The following RPS29 variants were observed in gnomAD, a reference collection of about 807,000 sequenced individuals.
RPS29 encodes small ribosomal subunit protein uS14.
For synonymous variants in RPS29, 37 were observed against 26.9 expected, an observed-to-expected ratio of 1.37 and a Z score of -1.16; for missense variants, 60 against 75.7, an observed-to-expected ratio of 0.79 and a Z score of 0.77.
At chr14:49,578,351 A>G (rs1353614067) in intron 2 of RPS29, among the ~76,000 whole-genome samples, 1 of 152,178 alleles carries the variant, frequency 6.6e-6, no homozygotes, top group Non-Finnish European at 1.5e-5. Context: ...AATGAGTCTT[A>G]ATCAGATACT....
At chr14:49,585,839 T>C (rs1881526704) in intron 2 of RPS29, 111 bp downstream of exon 2, 1 of 780,340 alleles carries the variant, frequency 1.3e-6, no homozygotes, top group Non-Finnish European at 2.2e-6. Context: ...CTTGGTCGAA[T>C]GCTCAGAATT....
intron 1 of RPS29, 109 bp downstream of exon 1, chr14:49,586,176 T>C: frequency 1.4e-6 from 2 of 1,400,518 alleles, no homozygotes; most frequent in Non-Finnish European, 2.0e-6. Flanking sequence ...CACCAGCGAC[T>C]CCCAGTCGGC....
At chr14:49,578,851 G>A (rs112872113), downstream of RPS29, among the ~76,000 whole-genome samples, 1 of 151,970 alleles carries the variant, frequency 6.6e-6, no homozygotes, top group Non-Finnish European at 1.5e-5. Flanking sequence ...GAGCCACCCC[G>A]CCCAGCCAGC....
exon 3 of RPS29, chr14:49,571,683 G>A (rs1053393599): frequency 4.6e-5 from 7 of 152,086 alleles, no homozygotes; most frequent in Admixed American, 3.3e-4. Context: ...TTTAGATACC[G>A]AAGCATGGTG....
intron 1 of RPS29, chr14:49,598,286 GC>G (rs1245229949): frequency 1.5e-5 from 9 of 597,392 alleles, no homozygotes; most frequent in Non-Finnish European, 2.7e-5. Flanking sequence ...CCCCAGCCGG[GC>G]CCCGTCCTAG....
chr14:49,580,889 G>GA (rs538812182), downstream of RPS29, among the ~76,000 whole-genome samples: 4,133 of 110,390 alleles, frequency 0.037, 139 homozygotes, highest in African/African-American at 0.11. Context: ...CGTCTCAAAA[G>GA]AAAAAAAAAA....
downstream of RPS29, among the ~76,000 whole-genome samples, chr14:49,581,030 A>T (rs1881318843): frequency 6.6e-6 from 1 of 151,748 alleles, no homozygotes; most frequent in African/African-American, 2.4e-5. Context: ...TCTACTAAAA[A>T]TACAAAATGA....
chr14:49,598,142 A>C (rs1440786579), intron 1 of RPS29: 1 of 454,754 alleles, frequency 2.2e-6, no homozygotes, highest in Non-Finnish European at 3.9e-6. Flanking sequence ...ACTCAGACAC[A>C]ATAAAATGTT....
chr14:49,582,841 C>G (rs1881380927), downstream of RPS29, among the ~76,000 whole-genome samples: 1 of 152,222 alleles, frequency 6.6e-6, no homozygotes, highest in African/African-American at 2.4e-5. Flanking sequence ...AATGTTAAAG[C>G]AACCACACAC....
At chr14:49,585,691 C>A (rs1391608793) in intron 2 of RPS29, 3 of 488,024 alleles carry the variant, frequency 6.1e-6, no homozygotes, top group African/African-American at 5.8e-5. Flanking sequence ...CAATACACGG[C>A]ACCTAAAACT....
At chr14:49,590,390 C>T (rs998805072), upstream of RPS29, among the ~76,000 whole-genome samples, 2 of 151,888 alleles carry the variant, frequency 1.3e-5, no homozygotes, top group South Asian at 2.1e-4. Flanking sequence ...GCAGGAGAAT[C>T]GCTTAAACCC....
chr14:49,579,737 G>GA (rs968970486), downstream of RPS29, among the ~76,000 whole-genome samples: 1 of 152,138 alleles, frequency 6.6e-6, no homozygotes, highest in Non-Finnish European at 1.5e-5. Context: ...AATATGAAAG[G>GA]AAACACTTAC....
At position 49,586,056 on chromosome 14, in the gene RPS29, G is replaced by A. The variant is rs763967610; in HGVS notation, c.63-7C>T. On this transcript the variant is annotated splice_region_variant and splice_polypyrimidine_tract_variant and intron_variant, in intron 1 of 2. Coordinates refer to ENST00000245458, the MANE Select transcript of RPS29 (RefSeq NM_001032.5). ...CCGGTTTGAACAGACACGACTGTAA[G>A]AAAAGAGACAGCGGTTTTGCAGGTC... 5.6e-6 allele frequency: 9 copies of A among 1,610,696 alleles called. No individual in the cohort carries two copies. The highest frequency in any genetic ancestry group is 4.0e-5 in the African/African-American group (3 of 74,838).
downstream of RPS29, among the ~76,000 whole-genome samples, chr14:49,583,014 A>AGG (rs1881387932): frequency 6.6e-6 from 1 of 151,966 alleles, no homozygotes; most frequent in Admixed American, 6.6e-5. Context: ...TCCTTAAAAC[A>AGG]TTTTTTTCTT....
chr14:49,583,117 G>A (rs1316172196), downstream of RPS29, among the ~76,000 whole-genome samples: 2 of 152,172 alleles, frequency 1.3e-5, no homozygotes, highest in Non-Finnish European at 2.9e-5. Context: ...GGGATTACAG[G>A]CCTGAACCTG....
chr14:49,584,702 T>TAC (rs35123235), intron 2 of RPS29, among the ~76,000 whole-genome samples: 103,823 of 151,152 alleles, frequency 0.69, 36,726 homozygotes, highest in Non-Finnish European at 0.74. Flanking sequence ...AGGGGGAGGC[T>TAC]AGTGAGCTGA....
chr14:49,586,486 A>C (rs1398770959), upstream of RPS29: 5 of 741,186 alleles, frequency 6.7e-6, no homozygotes, highest in Non-Finnish European at 1.2e-5. Context: ...TCGCTGGGTG[A>C]GTAAAATGAA....
At chr14:49,576,528 C>G (rs1881184684) in exon 3 of RPS29, 1 of 152,146 alleles carries the variant, frequency 6.6e-6, no homozygotes, top group Admixed American at 6.6e-5. Context: ...ACACCAATTA[C>G]CATTAAAGAT....
At chr14:49,579,260 T>A (rs995310714), downstream of RPS29, among the ~76,000 whole-genome samples, 3 of 152,168 alleles carry the variant, frequency 2.0e-5, no homozygotes, top group African/African-American at 7.2e-5. Context: ...AGGAAACAGC[T>A]CTCACCAGAC....
Sources: gnomAD v4.1 joint callset for allele counts (sites outside exome capture counted in the v4.1 genomes callset) on GRCh38, gnomAD v4.1.1 for gene constraint, MANE v1.5 for transcripts, NCBI Gene and HGNC (gene_info 2026-07-23, HGNC 2026-07-21) for gene names.